Variants in TSPAN18 observed in about 807,000 individuals in gnomAD.
The protein encoded by TSPAN18 is tetraspanin-18.
In TSPAN18, 14 loss-of-function variants were observed where a neutral mutation model predicts 27.3. The observed-to-expected ratio is 0.51, with a 90% CI of 0.34 to 0.80. The LOEUF is 0.80. TSPAN18 is among the 30% of genes least tolerant of loss of function. The pLI, the probability that TSPAN18 is intolerant of heterozygous loss-of-function variation, is 0.01. For synonymous variants in TSPAN18, 143 were observed against 136.5 expected, an observed-to-expected ratio of 1.05 and a Z score of -0.33; for missense variants, 268 against 323.9, an observed-to-expected ratio of 0.83 and a Z score of 1.32.
At chr11:44,759,551 C>T (rs1216548364) in intron 1 of TSPAN18, among the ~76,000 whole-genome samples, 2 of 152,138 alleles carry the variant, frequency 1.3e-5, no homozygotes, top group African/African-American at 2.4e-5. Flanking sequence ...TTTATAGATC[C>T]ACTTGTCTTC....
intron 2 of TSPAN18, among the ~76,000 whole-genome samples, chr11:44,834,143 T>TC (rs1421905564): frequency 1.3e-5 from 2 of 151,730 alleles, no homozygotes; most frequent in Non-Finnish European, 2.9e-5. Flanking sequence ...TTTTTAGGAT[T>TC]CTTTTTTTTT....
At chr11:44,814,585 TGA>T (rs1004028363) in intron 2 of TSPAN18, among the ~76,000 whole-genome samples, 3 of 152,176 alleles carry the variant, frequency 2.0e-5, no homozygotes, top group African/African-American at 7.2e-5. Flanking sequence ...GCACCAAGCC[TGA>T]GTTAATACTG....
chr11:44,806,625 T>C (rs542630276), intron 2 of TSPAN18, among the ~76,000 whole-genome samples: 13 of 152,356 alleles, frequency 8.5e-5, no homozygotes, highest in Non-Finnish European at 1.5e-4. Flanking sequence ...TGCTTGGATG[T>C]TTAAAGGAAA....
chr11:44,799,136 G>A (rs1218043781), intron 2 of TSPAN18, among the ~76,000 whole-genome samples: 2 of 151,882 alleles, frequency 1.3e-5, no homozygotes, highest in Non-Finnish European at 2.9e-5. Context: ...GTGCAGAGAG[G>A]ACACAATGGA....
At chr11:44,815,120 G>A (rs1856794472) in intron 2 of TSPAN18, among the ~76,000 whole-genome samples, 1 of 152,196 alleles carries the variant, frequency 6.6e-6, no homozygotes, top group Admixed American at 6.5e-5. Context: ...TTTACTGTGG[G>A]CCTAGGAAGG....
intron 2 of TSPAN18, among the ~76,000 whole-genome samples, chr11:44,796,587 G>A (rs568633881): frequency 7.9e-5 from 12 of 152,284 alleles, no homozygotes; most frequent in African/African-American, 2.9e-4. Context: ...ATGGAACCCA[G>A]CATGTCAAAG....
At chr11:44,908,804 A>G (rs1440264002) in intron 4 of TSPAN18, among the ~76,000 whole-genome samples, 9 of 143,486 alleles carry the variant, frequency 6.3e-5, no homozygotes, top group African/African-American at 2.5e-4. Context: ...AGAAAGAAAG[A>G]AAGAAAGAAA....
intron 4 of TSPAN18, 132 bp downstream of exon 4, chr11:44,906,611 C>A: frequency 1.2e-6 from 1 of 849,230 alleles, no homozygotes; most frequent in Non-Finnish European, 1.9e-6. Context: ...TACCTGCCAG[C>A]CAGGCTTTCA....
chr11:44,893,396 AGCT>A (rs1239420858), intron 3 of TSPAN18, among the ~76,000 whole-genome samples: 2 of 152,228 alleles, frequency 1.3e-5, no homozygotes, highest in Non-Finnish European at 2.9e-5. Context: ...TCCCCCGCTC[AGCT>A]GTGACCATGT....
At chr11:44,901,105 T>C (rs1344020250) in intron 3 of TSPAN18, 1 of 152,204 alleles carries the variant, frequency 6.6e-6, no homozygotes, top group Non-Finnish European at 1.5e-5. Context: ...CAATCCCCTG[T>C]TGGGCACCAA....
intron 3 of TSPAN18, among the ~76,000 whole-genome samples, chr11:44,863,900 A>T (rs1302083810): frequency 6.6e-6 from 1 of 152,106 alleles, no homozygotes; most frequent in Non-Finnish European, 1.5e-5. Flanking sequence ...TACTGATGCT[A>T]TTTGGTGTTG....
intron 8 of TSPAN18, among the ~76,000 whole-genome samples, chr11:44,924,588 C>T (rs115289478): frequency 0.014 from 2,111 of 152,240 alleles, 44 homozygotes; most frequent in African/African-American, 0.047. Context: ...CTGGCAGGCA[C>T]GTGGAACACT....
At chr11:44,914,434 C>T (rs17787207) in intron 5 of TSPAN18, among the ~76,000 whole-genome samples, 3,007 of 152,304 alleles carry the variant, frequency 0.02, 120 homozygotes, top group East Asian at 0.14. Context: ...TCCTTCCCAG[C>T]CATAGTGTTG....
At chr11:44,894,854 C>A (rs184236583) in intron 3 of TSPAN18, among the ~76,000 whole-genome samples, 3 of 152,204 alleles carry the variant, frequency 2.0e-5, no homozygotes, top group Non-Finnish European at 2.9e-5. Flanking sequence ...TGGGGCACGG[C>A]GCTTCCTGTC....
chr11:44,896,782 G>GCCACCACCA (rs1186136986), intron 3 of TSPAN18, among the ~76,000 whole-genome samples: 4 of 151,740 alleles, frequency 2.6e-5, no homozygotes, highest in South Asian at 4.2e-4. Flanking sequence ...CCTCCACGCT[G>GCCACCACCA]CCACCACCAC....
At chr11:44,911,385 C>A (rs1859706463) in intron 5 of TSPAN18, among the ~76,000 whole-genome samples, 1 of 152,150 alleles carries the variant, frequency 6.6e-6, no homozygotes, top group Non-Finnish European at 1.5e-5. Context: ...GAGATGCTCC[C>A]CATCCAAAGG....
At chr11:44,891,446 T>A (rs974161597) in intron 3 of TSPAN18, among the ~76,000 whole-genome samples, 1 of 152,158 alleles carries the variant, frequency 6.6e-6, no homozygotes, top group Non-Finnish European at 1.5e-5. Flanking sequence ...TAGATTCTTG[T>A]AAGGACCTGT....
At chr11:44,840,565 C>T (rs966089006) in intron 2 of TSPAN18, among the ~76,000 whole-genome samples, 3 of 152,196 alleles carry the variant, frequency 2.0e-5, no homozygotes, top group Non-Finnish European at 4.4e-5. Context: ...GAGCAGGATT[C>T]CAGCCCCAGG....
chr11:44,860,808 G>A (rs1341723925), intron 3 of TSPAN18, among the ~76,000 whole-genome samples: 1 of 152,248 alleles, frequency 6.6e-6, no homozygotes, highest in African/African-American at 2.4e-5. Context: ...TGTTGCCCAG[G>A]TAAGCAAGAA....
Sources: allele counts gnomAD v4.1 joint callset (sites outside exome capture counted in the v4.1 genomes callset), GRCh38; gene constraint gnomAD v4.1.1; transcripts MANE v1.5; gene names NCBI Gene and HGNC (gene_info 2026-07-23, HGNC 2026-07-21).